CLEC12A: variants seen among roughly 807,000 people sequenced by gnomAD.
CLEC12A encodes the protein C-type lectin protein CLL-1.
CLEC12A carries 22 observed loss-of-function variants against 26.5 expected under a neutral mutation model. The observed-to-expected ratio is 0.83, with a 90% CI of 0.59 to 1.19. The LOEUF is 1.19. Ranked by LOEUF, CLEC12A falls within the 50% of genes most tolerant of loss-of-function variation. The probability of loss-of-function intolerance (pLI) is 0.00; values close to 1 mark genes in which losing one functional copy is unlikely to be tolerated. For synonymous variants in CLEC12A, 119 were observed against 101.9 expected (o/e 1.17, Z -1.01); for missense variants, 353 against 315.6 (o/e 1.12, Z -0.90).
At chr12:9,956,341 G>T (rs1318682163) in intron 1 of CLEC12A, among the ~76,000 whole-genome samples, 2 of 152,108 alleles carry the variant, frequency 1.3e-5, no homozygotes, top group African/African-American at 4.8e-5. Flanking sequence ...TTGGCACATT[G>T]TACATGGAAT....
chr12:9,984,994 C>A lies in CLEC12A; in HGVS notation c.766C>A (p.Gln256Lys), dbSNP rs767283641. ...ATGTGAGAAGATGGCCAATCCAGTGCAGCTTGGTTCTACATATTTTAGGGA... is the reference window on the plus strand; with the variant it reads ...ATGTGAGAAGATGGCCAATCCAGTGAAGCTTGGTTCTACATATTTTAGGGA... ...MICEKMANPVQLGSTYFREA is the reference protein window; with the variant it reads ...MICEKMANPVKLGSTYFREA Residue 256 changes from glutamine (Q) to lysine (K), a missense_variant, in exon 6 of 6, where the codon CAG (glutamine) becomes AAG (lysine). Coordinates refer to ENST00000304361, the MANE Select transcript of CLEC12A (RefSeq NM_138337.6). 5.9e-6 allele frequency: 9 copies of A among 1,537,472 alleles called. No homozygotes were observed. The South Asian group carries it at 1.1e-4, about 19-fold the overall frequency.
At chr12:9,973,926 T>A (rs1430320983) in intron 1 of CLEC12A, among the ~76,000 whole-genome samples, 1 of 152,118 alleles carries the variant, frequency 6.6e-6, no homozygotes, top group East Asian at 1.9e-4. Flanking sequence ...CAAAACACAA[T>A]CCTTGCTTGA....
downstream of CLEC12A, among the ~76,000 whole-genome samples, chr12:9,996,141 T>C (rs550055480): frequency 4.6e-5 from 7 of 152,284 alleles, no homozygotes; most frequent in South Asian, 6.2e-4. Context: ...ACAGGAGATA[T>C]TGTGTGAAAG....
chr12:9,952,973 GC>G (rs1192390831), intron 1 of CLEC12A: 1 of 102,760 alleles, frequency 9.7e-6, no homozygotes, highest in African/African-American at 3.9e-5. Context: ...GAGCCCCTCC[GC>G]CCGGCAGCCG....
intron 5 of CLEC12A, among the ~76,000 whole-genome samples, chr12:9,982,362 C>G (rs519291): frequency 0.57 from 87,089 of 151,812 alleles, 25,466 homozygotes; most frequent in East Asian, 0.84. Context: ...ATGGAGAACT[C>G]TGTAAATAAT....
At chr12:9,993,204 T>C (rs1445554183) in intron 4 of CLEC12A, 12 of 1,612,702 alleles carry the variant, frequency 7.4e-6, no homozygotes, top group African/African-American at 1.3e-5. Context: ...ATAATGTTTG[T>C]TCTCACAGAA....
In CLEC12A at chr12:9,980,745, G is replaced by A. The variant is rs576696196; in HGVS notation, c.531+12G>A. The A allele has an allele frequency of 6.8e-6, 11 of 1,612,684 alleles. No homozygotes were observed. The South Asian group carries it at 7.7e-5, about 11-fold the overall frequency. On this transcript the variant is annotated intron_variant, in intron 4 of 5. Coordinates refer to ENST00000304361, the MANE Select transcript of CLEC12A (RefSeq NM_138337.6). The stretch of plus-strand genomic sequence containing the variant: ...ACAAAAATGCATTGGTAAAGCCCAG[G>A]TGTTTCTACCATCATGGGATAGAGA...
intron 3 of CLEC12A, 22 bp from the exon 4 acceptor site, chr12:9,980,560 T>G: frequency 1.2e-6 from 2 of 1,603,788 alleles, no homozygotes; most frequent in Non-Finnish European, 1.7e-6. Context: ...AAAACCCAAA[T>G]AAAACTATGT....
chr12:10,001,065 A>C, the CLEC12A span, among the ~76,000 whole-genome samples: 5 of 152,346 alleles, frequency 3.3e-5, no homozygotes, highest in African/African-American at 1.2e-4. Context: ...AATTTGTTAC[A>C]TTAAATCAGA....
intron 5 of CLEC12A, chr12:9,983,601 G>A (rs899370368): frequency 2.3e-5 from 15 of 657,432 alleles, no homozygotes; most frequent in African/African-American, 2.2e-4. Flanking sequence ...CATTTAACAC[G>A]TTTTTAGTAT....
At chr12:9,951,400 C>G in intron 1 of CLEC12A, 1 of 702,814 alleles carries the variant, frequency 1.4e-6, no homozygotes, top group Non-Finnish European at 2.6e-6. Context: ...TGGCTCCTCT[C>G]AATTTGAGAA....
chr12:9,969,854 G>C (rs1864063443), upstream of CLEC12A, among the ~76,000 whole-genome samples: 1 of 152,170 alleles, frequency 6.6e-6, no homozygotes, highest in Admixed American at 6.5e-5. Context: ...AGACTTTGAT[G>C]GTCTCAACTC....
downstream of CLEC12A, among the ~76,000 whole-genome samples, chr12:9,997,621 T>C (rs1865085461): frequency 6.6e-6 from 1 of 152,208 alleles, no homozygotes; most frequent in Admixed American, 6.5e-5. Flanking sequence ...TTTCTGTTCT[T>C]TCTGTGATGC....
upstream of CLEC12A, among the ~76,000 whole-genome samples, chr12:9,970,739 G>T (rs1222382664): frequency 6.6e-6 from 1 of 152,126 alleles, no homozygotes; most frequent in African/African-American, 2.4e-5. Flanking sequence ...TTCCTGGCCT[G>T]CAAAGCTGTT....
upstream of CLEC12A, among the ~76,000 whole-genome samples, chr12:9,969,825 AT>A (rs1269615619): frequency 1.6e-4 from 25 of 152,240 alleles, no homozygotes; most frequent in Non-Finnish European, 2.9e-5. Context: ...CTGTGCACAT[AT>A]TTGAACAAGG....
chr12:9,957,638 C>T (rs1194561431), intron 1 of CLEC12A, among the ~76,000 whole-genome samples: 1 of 152,186 alleles, frequency 6.6e-6, no homozygotes, highest in Non-Finnish European at 1.5e-5. Context: ...ATGCCTCAGT[C>T]TAGATCAGTG....
Position 9,982,037 on chromosome 12 carries a change from G to T in CLEC12A, c.549G>T (p.Gln183His). Residue 183 changes from glutamine to histidine, a missense_variant, in exon 5 of 6, where the codon CAG becomes CAT. Gln to His is a conservative substitution (Grantham distance 24). Transcript: ENST00000304361. ...TCCTGTAGGAATTTATAAAATCCCA[G>T]AGTAGATCATATGACTATTGGCTGG... Reference protein sequence around the residue: ...NKNALEFIKSQSRSYDYWLGL... With the variant: ...NKNALEFIKSHSRSYDYWLGL... The T allele has an allele frequency of 6.4e-7, 1 of 1,569,242 alleles. No homozygotes were observed.
At chr12:9,972,420 T>C (rs1046050680) in intron 1 of CLEC12A, among the ~76,000 whole-genome samples, 1 of 145,626 alleles carries the variant, frequency 6.9e-6, no homozygotes, top group Non-Finnish European at 1.6e-5. Flanking sequence ...CAGAATCCTA[T>C]AGTTTTCCTA....
chr12:9,980,563 AAC>A lies in CLEC12A; in HGVS notation c.380-18_380-17del. The A allele has an allele frequency of 6.2e-7, 1 of 1,607,342 alleles. No homozygotes were observed. The highest frequency in any genetic ancestry group is 1.1e-5 in the South Asian group (1 of 90,094). On this transcript the variant is annotated splice_polypyrimidine_tract_variant and intron_variant, in intron 3 of 5. Transcript: ENST00000304361. ...ATGACTATCAACAAAACCCAAATAA[AAC>A]TATGTTCTTCTTCCAGAGCACAAAT...
Sources: allele counts gnomAD v4.1 joint callset (sites outside exome capture counted in the v4.1 genomes callset), GRCh38; gene constraint gnomAD v4.1.1; transcripts MANE v1.5; gene names NCBI Gene and HGNC (gene_info 2026-07-23, HGNC 2026-07-21).